PPARGC1A: variants seen among roughly 807,000 people sequenced by gnomAD.
PPARGC1A encodes PPARG coactivator 1 alpha.
A neutral mutation model predicts 88.7 loss-of-function variants in PPARGC1A; 25 were observed. The ratio of observed to expected loss-of-function variants is 0.28; its 90% CI spans 0.21 to 0.39. PPARGC1A has a LOEUF of 0.39. PPARGC1A is among the 10% of genes least tolerant of loss of function. The pLI is 1.00. For synonymous variants in PPARGC1A, 363 were observed against 355.6 expected (o/e 1.02, Z -0.24); for missense variants, 880 against 968.7 (o/e 0.91, Z 1.22).
the PPARGC1A span, among the ~76,000 whole-genome samples, chr4:23,932,787 C>G: frequency 2.3e-4 from 35 of 152,108 alleles, no homozygotes; most frequent in Non-Finnish European, 4.3e-4. Context: ...TTTTCCTGTT[C>G]ATGTACTCAA....
At chr4:24,191,084 T>C in the PPARGC1A span, among the ~76,000 whole-genome samples, 4 of 152,184 alleles carry the variant, frequency 2.6e-5, no homozygotes, top group African/African-American at 7.2e-5. Flanking sequence ...CAAAAGGCAG[T>C]GCTCAACAGT....
chr4:24,377,086 T>C, the PPARGC1A span, among the ~76,000 whole-genome samples: 1 of 151,578 alleles, frequency 6.6e-6, no homozygotes, highest in Non-Finnish European at 1.5e-5. Flanking sequence ...AATTTGTAGA[T>C]TTTTTTTCAC....
the PPARGC1A span, among the ~76,000 whole-genome samples, chr4:24,012,735 T>TAATAAAAGAGATACTATTTTTGGG: frequency 6.6e-6 from 1 of 152,264 alleles, no homozygotes; most frequent in South Asian, 2.1e-4. Flanking sequence ...GACTAATTAC[T>TAATAAAAGAGATACTATTTTTGGG]AATAAAAGAG....
the PPARGC1A span, among the ~76,000 whole-genome samples, chr4:24,259,229 C>T: frequency 3.9e-5 from 6 of 152,148 alleles, no homozygotes; most frequent in South Asian, 2.1e-4. Flanking sequence ...TTCCCAAAGC[C>T]GATGATGTGA....
At chr4:24,247,617 C>T in the PPARGC1A span, among the ~76,000 whole-genome samples, 2 of 152,212 alleles carry the variant, frequency 1.3e-5, no homozygotes, top group Admixed American at 1.3e-4. Flanking sequence ...GGCGCACACA[C>T]ATATTGCCAA....
chr4:24,318,508 A>G, the PPARGC1A span, among the ~76,000 whole-genome samples: 1 of 152,256 alleles, frequency 6.6e-6, no homozygotes, highest in Non-Finnish European at 1.5e-5. Flanking sequence ...TGCTTAGTTC[A>G]GAATAAGTGA....
chr4:24,445,065 A>G, the PPARGC1A span, among the ~76,000 whole-genome samples: 1 of 151,324 alleles, frequency 6.6e-6, no homozygotes, highest in East Asian at 1.9e-4. Flanking sequence ...AAAAAAAGAG[A>G]GAGAGAGAGA....
At chr4:24,134,595 T>G in the PPARGC1A span, among the ~76,000 whole-genome samples, 7 of 152,258 alleles carry the variant, frequency 4.6e-5, no homozygotes, top group Non-Finnish European at 1.0e-4. Context: ...ACAAATGTAC[T>G]TTGTATAAAT....
intron 1 of PPARGC1A, chr4:23,889,022 A>G (rs1449790379): frequency 1.0e-6 from 1 of 985,266 alleles, no homozygotes. Context: ...GAATGCAAAC[A>G]CGCCGAGGTC....
At chr4:24,220,440 C>T in the PPARGC1A span, among the ~76,000 whole-genome samples, 407 of 152,296 alleles carry the variant, frequency 2.7e-3, 2 homozygotes, top group African/African-American at 8.5e-3. Flanking sequence ...TATTGCAGCA[C>T]TATTCACAAT....
chr4:24,056,875 G>A, the PPARGC1A span, among the ~76,000 whole-genome samples: 1 of 152,168 alleles, frequency 6.6e-6, no homozygotes, highest in Non-Finnish European at 1.5e-5. Context: ...TGCAACTACT[G>A]AGAAAAACAG....
the PPARGC1A span, among the ~76,000 whole-genome samples, chr4:23,959,463 T>TCTACA: frequency 6.6e-6 from 1 of 152,232 alleles, no homozygotes; most frequent in African/African-American, 2.4e-5. Flanking sequence ...GATTGCTAAC[T>TCTACA]CTACAGAAGG....
the PPARGC1A span, among the ~76,000 whole-genome samples, chr4:24,437,591 TTTTTTGTTG>T: frequency 4.5e-3 from 573 of 127,802 alleles, 2 homozygotes; most frequent in South Asian, 0.017. Flanking sequence ...AAGGCACAGG[TTTTTTGTTG>T]TTGTTGTTGT....
chr4:23,844,414 TATATA>T (rs202000735), intron 2 of PPARGC1A, among the ~76,000 whole-genome samples: 7,678 of 128,770 alleles, frequency 0.06, 268 homozygotes, highest in African/African-American at 0.082. Flanking sequence ...CATATAATAA[TATATA>T]ATATATTATA....
chr4:24,154,298 G>A, the PPARGC1A span, among the ~76,000 whole-genome samples: 1 of 152,152 alleles, frequency 6.6e-6, no homozygotes, highest in Non-Finnish European at 1.5e-5. Flanking sequence ...GACAGCAGCT[G>A]AGCTTTGCTC....
upstream of PPARGC1A, among the ~76,000 whole-genome samples, chr4:23,890,951 G>C (rs1391395657): frequency 6.6e-6 from 1 of 152,048 alleles, no homozygotes. Context: ...GTGCCTTTTT[G>C]AATAAACATT....
chr4:24,067,710 C>T, the PPARGC1A span, among the ~76,000 whole-genome samples: 1 of 152,218 alleles, frequency 6.6e-6, no homozygotes, highest in Admixed American at 6.5e-5. Flanking sequence ...ATCAAGGGGT[C>T]CAGGATGGTT....
the PPARGC1A span, among the ~76,000 whole-genome samples, chr4:24,462,146 C>G: frequency 6.6e-6 from 1 of 151,986 alleles, no homozygotes; most frequent in Non-Finnish European, 1.5e-5. Context: ...AGTGCAGTGG[C>G]GGGATCTCGG....
the PPARGC1A span, among the ~76,000 whole-genome samples, chr4:23,971,128 C>T: frequency 0.28 from 42,356 of 151,988 alleles, 6,394 homozygotes; most frequent in East Asian, 0.44. Flanking sequence ...GCCCAAGTGG[C>T]TGTACCCATG....
Sources: gnomAD v4.1 joint callset for allele counts (sites outside exome capture counted in the v4.1 genomes callset) on GRCh38, gnomAD v4.1.1 for gene constraint, MANE v1.5 for transcripts, NCBI Gene and HGNC (gene_info 2026-07-23, HGNC 2026-07-21) for gene names.